TRPM3: variants seen among roughly 807,000 people sequenced by gnomAD.
The protein encoded by TRPM3 is long transient receptor potential channel 3.
Under a neutral mutation model 181.2 loss-of-function variants are expected in TRPM3, and 77 were observed. The ratio of observed to expected loss-of-function variants is 0.42; its 90% CI spans 0.35 to 0.51. The LOEUF is 0.51. Ranked by LOEUF, TRPM3 falls within the 20% of genes least tolerant of loss-of-function variation. TRPM3 has a pLI of 0.01. For synonymous variants in TRPM3, 745 were observed against 796.4 expected (o/e 0.94, Z 1.09); for missense variants, 1,759 against 2,196.7 (o/e 0.80, Z 3.98).
At chr9:71,022,266 C>G (rs1459742265) in intron 1 of TRPM3, among the ~76,000 whole-genome samples, 1 of 152,126 alleles carries the variant, frequency 6.6e-6, no homozygotes, top group Non-Finnish European at 1.5e-5. Flanking sequence ...CAATTTTTGA[C>G]AAAGGTGCAA....
intron 1 of TRPM3, among the ~76,000 whole-genome samples, chr9:71,387,825 AAAAT>A (rs761088936): frequency 9.2e-5 from 14 of 152,134 alleles, no homozygotes; most frequent in Non-Finnish European, 1.0e-4. Context: ...TACTAACATC[AAAAT>A]AAATATTCAT....
rs554543090 is a variant in TRPM3 at position 70,933,597 on chromosome 9, G to A, written c.178-69086C>T. 1.3e-3 allele frequency among the ~76,000 whole-genome samples: 204 copies of A among 152,234 alleles called. 2 individuals are homozygous for A. Among genetic ancestry groups the A allele is most frequent in the African/African-American group, 4.9e-3 (202 of 41,550 alleles). On this transcript the variant is annotated intron_variant, in intron 1 of 25. Transcript: ENST00000677713. ...AATGAGTTAAGGAGACAGTAGAGGT[G>A]TGGAAAAGGAGATGGCAAGAACAGA...
chr9:71,076,796 G>C lies in TRPM3; in HGVS notation c.177+44382C>G, dbSNP rs115845985. Among the ~76,000 whole-genome samples the C allele has an allele frequency of 2.6e-3, 390 of 152,234 alleles. 4 individuals carry two copies. Among genetic ancestry groups the C allele is most frequent in the African/African-American group, 8.8e-3 (367 of 41,536 alleles). On this transcript the variant is annotated intron_variant, in intron 1 of 25. Transcript: ENST00000677713. ...GAAATGTGAATTGTATCTGTGGCTG[G>C]ATCCCAGGCATTAGGTACAGTGTGA...
intron 1 of TRPM3, among the ~76,000 whole-genome samples, chr9:71,315,801 T>G (rs1222100417): frequency 6.6e-6 from 1 of 152,194 alleles, no homozygotes; most frequent in Non-Finnish European, 1.5e-5. Context: ...CTTTTTATTT[T>G]GCAAATTTAA....
intron 1 of TRPM3, among the ~76,000 whole-genome samples, chr9:71,246,967 G>A (rs2082068798): frequency 1.3e-5 from 2 of 152,162 alleles, no homozygotes; most frequent in Admixed American, 1.3e-4. Flanking sequence ...TCAAACCCCA[G>A]ACTGTTAAAG....
intron 1 of TRPM3, among the ~76,000 whole-genome samples, chr9:71,198,826 A>T (rs200226302): frequency 0.011 from 1,508 of 140,028 alleles, 25 homozygotes; most frequent in East Asian, 0.074. Context: ...AAACAGGGAC[A>T]ATTTGACTTC....
chr9:70,647,769 A>G (rs2059089753), intron 9 of TRPM3, among the ~76,000 whole-genome samples: 1 of 152,212 alleles, frequency 6.6e-6, no homozygotes, highest in African/African-American at 2.4e-5. Flanking sequence ...GTTCACAGAC[A>G]ATATGATTCT....
chr9:70,958,860 A>C (rs1415930486), intron 1 of TRPM3, among the ~76,000 whole-genome samples: 1 of 151,940 alleles, frequency 6.6e-6, no homozygotes, highest in Non-Finnish European at 1.5e-5. Context: ...CTTTGTAGGG[A>C]CATGGATGAA....
chr9:71,156,542 C>A lies in TRPM3; in HGVS notation c.183+290111G>T, dbSNP rs374322669. The stretch of plus-strand genomic sequence containing the variant: ...TTTTATAAACAAACAAATCTAATTT[C>A]TTGCTCTCAGGATTAACTTTTAATG... On this transcript the variant is annotated intron_variant, in intron 1 of 24. Coordinates refer to the TRPM3 transcript ENST00000357533. Among the ~76,000 whole-genome samples the A allele has an allele frequency of 5.3e-5, 8 of 152,062 alleles. No homozygotes were observed. The East Asian group carries it at 1.6e-3, about 30-fold the overall frequency.
intron 1 of TRPM3, among the ~76,000 whole-genome samples, chr9:71,412,472 T>G (rs1007987446): frequency 8.5e-5 from 13 of 152,324 alleles, no homozygotes; most frequent in Non-Finnish European, 1.6e-4. Context: ...AAAGATGACA[T>G]TTATGCAGCC....
chr9:70,566,319 G>A (rs927887744), intron 22 of TRPM3, among the ~76,000 whole-genome samples: 2 of 152,014 alleles, frequency 1.3e-5, no homozygotes, highest in South Asian at 2.1e-4. Context: ...GCTCTCTGGG[G>A]AAAGGATGCT....
intron 1 of TRPM3, among the ~76,000 whole-genome samples, chr9:71,382,254 A>G (rs888005097): frequency 5.9e-5 from 9 of 151,992 alleles, no homozygotes; most frequent in Admixed American, 5.9e-4. Context: ...TCTATGAAAA[A>G]CTCAACTGCT....
chr9:70,790,429 A>T (rs1168660743), intron 6 of TRPM3, among the ~76,000 whole-genome samples: 1 of 152,206 alleles, frequency 6.6e-6, no homozygotes, highest in Non-Finnish European at 1.5e-5. Context: ...TAGCTAAAGC[A>T]TGTCCCAGTA....
chr9:71,237,625 T>C lies in TRPM3; in HGVS notation c.183+209028A>G, dbSNP rs555954891. ...TAATTATTACTCTCCCAAGCAGAAA[T>C]ATCAAAACACTTCTAAAAAGTGCTT... On this transcript the variant is annotated intron_variant, in intron 1 of 24. Coordinates refer to the TRPM3 transcript ENST00000357533. 3.7e-4 allele frequency among the ~76,000 whole-genome samples: 57 copies of C among 152,304 alleles called. 2 individuals are homozygous for C. In the Middle Eastern group the frequency reaches 0.024, roughly 64 times the overall value.
intron 1 of TRPM3, among the ~76,000 whole-genome samples, chr9:71,056,423 T>G (rs542569480): frequency 6.6e-6 from 1 of 152,142 alleles, no homozygotes; most frequent in African/African-American, 2.4e-5. Context: ...AATATAAAGA[T>G]TAGGCTTCTT....
At chr9:70,941,436 T>C (rs897316163) in intron 1 of TRPM3, among the ~76,000 whole-genome samples, 2 of 152,232 alleles carry the variant, frequency 1.3e-5, no homozygotes, top group Non-Finnish European at 2.9e-5. Context: ...TCAGCTTTTC[T>C]ACTTTTGAGG....
chr9:71,393,963 A>C (rs1414462390), intron 1 of TRPM3, among the ~76,000 whole-genome samples: 1 of 152,206 alleles, frequency 6.6e-6, no homozygotes, highest in Non-Finnish European at 1.5e-5. Flanking sequence ...GATAGTCTTC[A>C]GGAGGTCTGG....
At chr9:71,385,589 CTCAT>C (rs774494445) in intron 1 of TRPM3, among the ~76,000 whole-genome samples, 22 of 152,298 alleles carry the variant, frequency 1.4e-4, no homozygotes, top group Non-Finnish European at 1.5e-4. Context: ...GACCACAACA[CTCAT>C]TCAAATTAAA....
In TRPM3 at chr9:70,603,380, A is replaced by C. The variant is rs2060439811; in HGVS notation, c.2758T>G (p.Ser920Ala). ...WPSTQEWIVI[S>A]YIFTLGIEKM... ...TCTATTCCCAGGGTGAAAATATAGG[A>C]GATTACGATCCATTCCTGGGTGGAC... Residue 920 changes from serine to alanine, a missense_variant, in exon 20 of 26, where the codon TCC becomes GCC. By Grantham distance (99) the Ser-to-Ala change is moderately conservative. Coordinates refer to ENST00000677713, the MANE Select transcript of TRPM3 (RefSeq NM_001366145.2). 4.3e-6 allele frequency: 7 copies of C among 1,613,968 alleles called. No homozygotes were observed. The East Asian group carries it at 1.6e-4, about 36-fold the overall frequency.
Sources: allele counts gnomAD v4.1 joint callset (sites outside exome capture counted in the v4.1 genomes callset), GRCh38; gene constraint gnomAD v4.1.1; transcripts MANE v1.5; gene names NCBI Gene and HGNC (gene_info 2026-07-23, HGNC 2026-07-21).